The following SLC44A5 variants were observed in gnomAD, a reference collection of about 807,000 sequenced individuals.
SLC44A5 encodes the protein solute carrier family 44 member 5, also known as choline transporter-like protein 5.
In SLC44A5, 57 loss-of-function variants were observed where a neutral mutation model predicts 101.8. The observed-to-expected ratio is 0.56, with a 90% CI of 0.45 to 0.70. The LOEUF (loss-of-function observed/expected upper bound fraction) is 0.70. Ranked by LOEUF, SLC44A5 falls within the 30% of genes least tolerant of loss-of-function variation. The pLI, the probability that SLC44A5 is intolerant of heterozygous loss-of-function variation, is 0.00. For synonymous variants in SLC44A5, 281 were observed against 290.9 expected (o/e 0.97, Z 0.35); for missense variants, 737 against 853.1 (o/e 0.86, Z 1.70).
At chr1:75,624,466 A>G in the SLC44A5 span, among the ~76,000 whole-genome samples, 1 of 152,024 alleles carries the variant, frequency 6.6e-6, no homozygotes, top group Non-Finnish European at 1.5e-5. Flanking sequence ...TCAGAGTGCT[A>G]AGGCTTTATT....
At chr1:75,397,343 C>T (rs1662189626) in intron 2 of SLC44A5, among the ~76,000 whole-genome samples, 1 of 152,132 alleles carries the variant, frequency 6.6e-6, no homozygotes, top group Non-Finnish European at 1.5e-5. Context: ...CTTTATCAGA[C>T]TTGCCAACTC....
intron 6 of SLC44A5, among the ~76,000 whole-genome samples, chr1:75,273,283 G>A (rs1026553164): frequency 7.2e-5 from 11 of 152,092 alleles, no homozygotes; most frequent in African/African-American, 1.7e-4. Flanking sequence ...GAGCCTTTTG[G>A]ATGAGTCTTT....
intron 1 of SLC44A5, among the ~76,000 whole-genome samples, chr1:75,608,798 C>T (rs537013155): frequency 1.5e-4 from 23 of 151,964 alleles, no homozygotes; most frequent in Non-Finnish European, 2.4e-4. Flanking sequence ...AATATTACCT[C>T]GTCAATTGGT....
At chr1:75,647,577 C>T in the SLC44A5 span, among the ~76,000 whole-genome samples, 2 of 152,184 alleles carry the variant, frequency 1.3e-5, no homozygotes, top group African/African-American at 4.8e-5. Context: ...ATGAAAACAG[C>T]CAAGAAGGGG....
At chr1:75,679,508 A>C in the SLC44A5 span, among the ~76,000 whole-genome samples, 1 of 151,890 alleles carries the variant, frequency 6.6e-6, no homozygotes, top group African/African-American at 2.4e-5. Flanking sequence ...TATCCAGCCA[A>C]ACTAAGCTTC....
intron 2 of SLC44A5, among the ~76,000 whole-genome samples, chr1:75,509,786 A>C (rs927670947): frequency 6.6e-6 from 1 of 152,230 alleles, no homozygotes; most frequent in Non-Finnish European, 1.5e-5. Flanking sequence ...TGAATGACGC[A>C]GATTATAGGG....
intron 6 of SLC44A5, among the ~76,000 whole-genome samples, chr1:75,257,354 T>G (rs578252365): frequency 6.6e-6 from 1 of 152,218 alleles, no homozygotes; most frequent in South Asian, 2.1e-4. Context: ...GAGAAGCATA[T>G]AGTACCCACT....
the SLC44A5 span, among the ~76,000 whole-genome samples, chr1:75,698,840 G>C: frequency 5.2e-3 from 785 of 152,300 alleles, 5 homozygotes; most frequent in African/African-American, 0.017. Flanking sequence ...CAAGACTCGA[G>C]AACTACGTGA....
At chr1:75,677,006 T>C in the SLC44A5 span, among the ~76,000 whole-genome samples, 2 of 152,172 alleles carry the variant, frequency 1.3e-5, no homozygotes, top group African/African-American at 4.8e-5. Flanking sequence ...TAGAACATTA[T>C]ATTCGGTGAA....
intron 2 of SLC44A5, among the ~76,000 whole-genome samples, chr1:75,462,237 C>G (rs1325949014): frequency 6.6e-6 from 1 of 152,216 alleles, no homozygotes; most frequent in Non-Finnish European, 1.5e-5. Context: ...GAACAAGAGT[C>G]TGCCTGGTAA....
intron 4 of SLC44A5, among the ~76,000 whole-genome samples, chr1:75,333,072 T>TA (rs559348215): frequency 6.6e-5 from 10 of 151,362 alleles, no homozygotes; most frequent in South Asian, 4.2e-4. Flanking sequence ...ACACAAAATT[T>TA]AAAAAAAAAG....
intron 2 of SLC44A5, among the ~76,000 whole-genome samples, chr1:75,534,105 T>C (rs1670870505): frequency 6.6e-6 from 1 of 152,166 alleles, no homozygotes; most frequent in Admixed American, 6.5e-5. Flanking sequence ...AGACAGGCAT[T>C]ATCAATTGAT....
At chr1:75,425,603 T>C (rs1275779326) in intron 2 of SLC44A5, among the ~76,000 whole-genome samples, 1 of 152,220 alleles carries the variant, frequency 6.6e-6, no homozygotes, top group African/African-American at 2.4e-5. Flanking sequence ...TTATTTTAGA[T>C]GTACCAAGTG....
chr1:75,342,425 C>T (rs1657953269), intron 3 of SLC44A5, among the ~76,000 whole-genome samples: 1 of 151,846 alleles, frequency 6.6e-6, no homozygotes, highest in African/African-American at 2.4e-5. Context: ...TAAAATATGC[C>T]ATTATTATTA....
chr1:75,477,719 A>G (rs1190285002), intron 2 of SLC44A5, among the ~76,000 whole-genome samples: 1 of 152,210 alleles, frequency 6.6e-6, no homozygotes, highest in African/African-American at 2.4e-5. Flanking sequence ...ATAAAAAGAA[A>G]CGAACAAAGC....
At chr1:75,660,241 C>T in the SLC44A5 span, among the ~76,000 whole-genome samples, 1 of 152,098 alleles carries the variant, frequency 6.6e-6, no homozygotes, top group African/African-American at 2.4e-5. Flanking sequence ...ACAAAATGAT[C>T]ATTTCAGTAC....
chr1:75,471,407 ACG>A (rs1553186142), intron 2 of SLC44A5, among the ~76,000 whole-genome samples: 2 of 140,894 alleles, frequency 1.4e-5, no homozygotes, highest in Non-Finnish European at 3.1e-5. Context: ...ACACACACAC[ACG>A]TACACACACA....
At chr1:75,207,763 G>C (rs1385499376) in intron 23 of SLC44A5, among the ~76,000 whole-genome samples, 1 of 152,056 alleles carries the variant, frequency 6.6e-6, no homozygotes, top group Non-Finnish European at 1.5e-5. Flanking sequence ...AGTTACCCAA[G>C]GTCCAGAAAT....
chr1:75,404,337 A>G (rs1662706319), intron 2 of SLC44A5, among the ~76,000 whole-genome samples: 1 of 152,180 alleles, frequency 6.6e-6, no homozygotes, highest in Non-Finnish European at 1.5e-5. Flanking sequence ...AAATTCAGGA[A>G]ATACAGAGAA....
Sources: gnomAD v4.1 joint callset for allele counts (sites outside exome capture counted in the v4.1 genomes callset) on GRCh38, gnomAD v4.1.1 for gene constraint, MANE v1.5 for transcripts, NCBI Gene and HGNC (gene_info 2026-07-23, HGNC 2026-07-21) for gene names.